The following ABCA8 variants were observed in gnomAD, a reference collection of about 807,000 sequenced individuals.
The protein encoded by ABCA8 is ABC-type organic anion transporter ABCA8.
ABCA8 carries 177 observed loss-of-function variants against 192.3 expected under a neutral mutation model. The ratio of observed to expected loss-of-function variants is 0.92; its 90% CI spans 0.81 to 1.04. The LOEUF is 1.04. Ranked by LOEUF, ABCA8 falls within the 50% of genes least tolerant of loss-of-function variation. The probability of loss-of-function intolerance (pLI) is 0.00; values close to 1 mark genes in which losing one functional copy is unlikely to be tolerated. For missense variants in ABCA8, 1,915 were observed against 1,904.8 expected, an observed-to-expected ratio of 1.01 and a Z score of -0.10; for synonymous variants, 642 against 690.2, an observed-to-expected ratio of 0.93 and a Z score of 1.09.
intron 1 of ABCA8, among the ~76,000 whole-genome samples, chr17:68,954,536 ATCC>A (rs773407509): frequency 4.6e-5 from 7 of 152,202 alleles, no homozygotes; most frequent in Non-Finnish European, 8.8e-5. Context: ...ACTCATTTTT[ATCC>A]TCTTATACTG....
At chr17:68,868,949 G>A (rs1312677308) in intron 38 of ABCA8, among the ~76,000 whole-genome samples, 1 of 152,116 alleles carries the variant, frequency 6.6e-6, no homozygotes, top group East Asian at 1.9e-4. Flanking sequence ...ACGTGGCCCA[G>A]AAAGTTGGAG....
chr17:68,867,901 T>A lies in ABCA8; in HGVS notation c.*184A>T. On this transcript the variant is annotated 3_prime_UTR_variant, in exon 40 of 40. Coordinates refer to ENST00000586539, the MANE Select transcript of ABCA8 (RefSeq NM_001288985.2). ...CAGAGGCTGTGAGAGGAGGTTGGCT[T>A]AGTCAAATGCCTCTGTCCACACTGA... 1.8e-6 allele frequency: 1 copy of A among 548,712 alleles called. No individual in the cohort carries two copies. Among genetic ancestry groups the A allele is most frequent in the East Asian group, 2.9e-5 (1 of 34,360 alleles). The allele number at this position is 548,712 out of a possible 1,614,324, so 34.0% of individuals were successfully genotyped here.
intron 18 of ABCA8, 122 bp downstream of exon 18, chr17:68,907,618 G>T: frequency 2.3e-6 from 2 of 853,032 alleles, no homozygotes; most frequent in Non-Finnish European, 3.3e-6. Context: ...CTATTCTTTT[G>T]ATTATGTTTC....
In ABCA8 at chr17:68,929,127, C is replaced by G; in HGVS notation, c.1047G>C (p.Leu349=). ...VFWGCLGFTS[L]YRHLPASLEW... is the part of the protein sequence containing the mutation. ...CCAAGGATGCAGGAAGGTGTCTGTA[C>G]AGTGATGTGAACCCCAGACACCCCC... The change falls in exon 9 of 40, where the codon CTG becomes CTC. Residue 349 remains leucine, a synonymous_variant. Transcript: ENST00000586539. 6.2e-7 allele frequency: 1 copy of G among 1,611,728 alleles called. No individual in the cohort carries two copies. Among genetic ancestry groups the G allele is most frequent in the Admixed American group, 1.7e-5 (1 of 59,890 alleles).
At chr17:68,890,978 G>A (rs1241020356) in intron 24 of ABCA8, among the ~76,000 whole-genome samples, 1 of 152,186 alleles carries the variant, frequency 6.6e-6, no homozygotes, top group African/African-American at 2.4e-5. Flanking sequence ...TTTTGTGCAT[G>A]TGACGGATGT....
chr17:68,907,736 T>C lies in ABCA8; in HGVS notation c.2278+4A>G. ...TTTTATTTCACAGTGTTCATGCACA[T>C]TACCTGGAAATTTATTTGTTCTTTC... On this transcript the variant is annotated splice_donor_region_variant and intron_variant, in intron 18 of 39. Transcript: ENST00000586539. The C allele has an allele frequency of 3.8e-6, 6 of 1,583,042 alleles. No homozygotes were observed. Among genetic ancestry groups the C allele is most frequent in the Non-Finnish European group, 4.3e-6 (5 of 1,168,964 alleles).
chr17:68,928,047 T>C lies in ABCA8; in HGVS notation c.1142A>G (p.Tyr381Cys), dbSNP rs2067751637. ...AGGAAATGCATTAGAATTCAAATCA[T>C]AGTCCAAGTGTAAAAGCTGAAAATT... ...LGMAQLLHLD[Y>C]DLNSNAFPHP... is the part of the protein sequence containing the mutation. Residue 381 changes from tyrosine to cysteine, a missense_variant, in exon 10 of 40, where the codon TAT (tyrosine) becomes TGT (cysteine). Coordinates refer to ENST00000586539, the MANE Select transcript of ABCA8 (RefSeq NM_001288985.2). 2 of 1,593,498 alleles carry C rather than the reference T, an allele frequency of 1.3e-6. No individual in the cohort carries two copies. Among genetic ancestry groups the C allele is most frequent in the African/African-American group, 1.4e-5 (1 of 73,704 alleles).
In ABCA8 at chr17:68,876,474, C is replaced by A; in HGVS notation, c.4356G>T (p.Gly1452=). The change falls in exon 35 of 40, where the codon GGG becomes GGT. Residue 1452 remains glycine, a synonymous_variant. Coordinates refer to ENST00000586539, the MANE Select transcript of ABCA8 (RefSeq NM_001288985.2). ...ATGTTCCTCACCACATTTGCTGCTG[C>A]CCCTCGGGGTCCATCCCGGTCGACG... The part of the protein sequence containing the change: ...DEPSTGMDPE[G]QQQMWQAIRA... 1 of 1,614,020 alleles carries A rather than the reference C, an allele frequency of 6.2e-7. No homozygotes were observed. The highest frequency in any genetic ancestry group is 8.5e-7 in the Non-Finnish European group (1 of 1,179,898).
At chr17:68,917,977 C>G in intron 16 of ABCA8, 70 bp downstream of exon 16, 1 of 1,562,502 alleles carries the variant, frequency 6.4e-7, no homozygotes, top group South Asian at 1.2e-5. Context: ...TATAACTGTT[C>G]AGAGACCAAT....
At chr17:68,949,021 T>C (rs1188901762) in intron 2 of ABCA8, among the ~76,000 whole-genome samples, 5 of 152,234 alleles carry the variant, frequency 3.3e-5, no homozygotes, top group Non-Finnish European at 5.9e-5. Flanking sequence ...TTGTTTGTTT[T>C]TGTCAGGTTT....
chr17:68,898,875 A>G (rs2066833152), intron 21 of ABCA8, among the ~76,000 whole-genome samples: 1 of 152,124 alleles, frequency 6.6e-6, no homozygotes, highest in Non-Finnish European at 1.5e-5. Flanking sequence ...TATTACACAT[A>G]TCACATCTAT....
chr17:68,941,851 C>A, intron 3 of ABCA8, 88 bp downstream of exon 3: 1 of 863,612 alleles, frequency 1.2e-6, no homozygotes, highest in South Asian at 1.6e-5. Context: ...GTGTATGTGT[C>A]GGGGGAGATA....
intron 13 of ABCA8, among the ~76,000 whole-genome samples, chr17:68,921,038 G>A (rs1024550673): frequency 6.6e-5 from 10 of 152,084 alleles, no homozygotes; most frequent in African/African-American, 9.7e-5. Context: ...TGATGAGTTC[G>A]TGTCCTTTGT....
At chr17:68,929,453 T>A (rs1234236207) in intron 8 of ABCA8, 108 bp downstream of exon 8, 12 of 1,323,504 alleles carry the variant, frequency 9.1e-6, no homozygotes, top group Non-Finnish European at 1.1e-5. Flanking sequence ...ATTTTTCACA[T>A]GCAAACAGAG....
chr17:68,868,253 T>A (rs777267593), intron 39 of ABCA8, 48 bp downstream of exon 39: 27 of 1,607,620 alleles, frequency 1.7e-5, no homozygotes, highest in East Asian at 1.3e-4. Context: ...CAGGGAATGT[T>A]TTATACACAT....
chr17:68,922,359 T>C (rs551670382), intron 11 of ABCA8, 59 bp from the exon 12 acceptor site: 2 of 1,159,772 alleles, frequency 1.7e-6, no homozygotes, highest in East Asian at 5.9e-5. Flanking sequence ...AATTTCCAGT[T>C]TGGTAGACAG....
Position 68,903,258 on chromosome 17 carries a change from G to A in ABCA8, c.2597+43C>T, listed in dbSNP as rs762462824. 5.7e-6 allele frequency: 9 copies of A among 1,592,462 alleles called. No individual in the cohort carries two copies. The South Asian group carries it at 6.7e-5, about 12-fold the overall frequency. On this transcript the variant is annotated intron_variant, in intron 20 of 39. Coordinates refer to ENST00000586539, the MANE Select transcript of ABCA8 (RefSeq NM_001288985.2). Reference sequence around the variant, plus strand: ...TTATACCTTAGATTTGCTTTTTAACGCATTGACTTAAAAAGAAAACCTATG... The same window carrying A: ...TTATACCTTAGATTTGCTTTTTAACACATTGACTTAAAAAGAAAACCTATG...
intron 37 of ABCA8, among the ~76,000 whole-genome samples, chr17:68,870,257 G>C (rs2066013267): frequency 6.6e-6 from 1 of 152,156 alleles, no homozygotes; most frequent in African/African-American, 2.4e-5. Context: ...AATTGCTGCA[G>C]CCCACTCTGT....
intron 4 of ABCA8, among the ~76,000 whole-genome samples, chr17:68,939,329 G>T (rs1411722116): frequency 6.6e-6 from 1 of 152,034 alleles, no homozygotes; most frequent in Non-Finnish European, 1.5e-5. Context: ...TGATCCATTT[G>T]GGATACTTCC....
Sources: allele counts gnomAD v4.1 joint callset (sites outside exome capture counted in the v4.1 genomes callset), GRCh38; gene constraint gnomAD v4.1.1; transcripts MANE v1.5; gene names NCBI Gene and HGNC (gene_info 2026-07-23, HGNC 2026-07-21).